Variants in PINX1 observed in about 807,000 individuals in gnomAD.
The protein encoded by PINX1 is PIN2 (TERF1) interacting telomerase inhibitor 1, also known as PIN2/TERF1-interacting telomerase inhibitor 1.
In PINX1, 34 loss-of-function variants were observed where a neutral mutation model predicts 25.4. The ratio of observed to expected loss-of-function variants is 1.34; its 90% confidence interval spans 1.02 to 1.78. The LOEUF is 1.78. Ranked by LOEUF, PINX1 falls within the 40% of genes most tolerant of loss-of-function variation. The probability of loss-of-function intolerance (pLI) is 0.00; values close to 1 mark genes in which losing one functional copy is unlikely to be tolerated. For synonymous variants in PINX1, 197 were observed against 147.7 expected (o/e 1.33, Z -2.42); for missense variants, 592 against 404.9 (o/e 1.46, Z -3.97).
intron 6 of PINX1, among the ~76,000 whole-genome samples, chr8:10,772,597 G>C (rs1801261281): frequency 6.6e-6 from 1 of 152,218 alleles, no homozygotes; most frequent in Admixed American, 6.5e-5. Context: ...AACGCACCAA[G>C]TCTCGGCAAT....
At chr8:10,784,475 C>T (rs6981179) in intron 6 of PINX1, among the ~76,000 whole-genome samples, 4,163 of 152,286 alleles carry the variant, frequency 0.027, 201 homozygotes, top group African/African-American at 0.095. Context: ...CCAAAGTCTA[C>T]TCAACAATTT....
chr8:10,818,062 A>G, intron 6 of PINX1, among the ~76,000 whole-genome samples: 1 of 152,256 alleles, frequency 6.6e-6, no homozygotes. Context: ...AGGCAATGCC[A>G]GGACGACCTT....
chr8:10,834,698 T>C lies in PINX1; in HGVS notation c.97A>G (p.Met33Val). ...TTAGACCACCCCATCTTCTCTAGCA[T>C]CCGCTGGCCAAACTTGGAATCGTCA... ...SNDDSKFGQR[M>V]LEKMGWSKGK... The change falls in exon 2 of 7, where the codon ATG (methionine) becomes GTG (valine). Residue 33 changes from methionine to valine, a missense_variant. Physicochemically the swap from Met to Val is conservative, Grantham distance 21. Transcript: ENST00000314787. 6.2e-7 allele frequency: 1 copy of C among 1,613,936 alleles called. No homozygotes were observed. Among genetic ancestry groups the C allele is most frequent in the South Asian group, 1.1e-5 (1 of 91,074 alleles).
Position 10,765,770 on chromosome 8 carries a change from C to G in PINX1, c.618G>C (p.Gln206His), listed in dbSNP as rs35530857. Reference sequence around the variant, plus strand: ...TTTTCTTCCCCCTTTTACGTTCCACCTGCGTCTCAGAAATGTCAGACCCTG... The same window carrying G: ...TTTTCTTCCCCCTTTTACGTTCCACGTGCGTCTCAGAAATGTCAGACCCTG... ...PVPGSDISET[Q>H]VERKRGKKRN... The change falls in exon 7 of 7, where the codon CAG (glutamine) becomes CAC (histidine). Residue 206 changes from glutamine to histidine, a missense_variant. Transcript: ENST00000314787. The G allele has an allele frequency of 1.2e-3, 1,915 of 1,613,970 alleles. 15 individuals carry two copies. In the African/African-American group the frequency reaches 0.023, roughly 19 times the overall value.
chr8:10,777,977 C>T (rs760326648), intron 6 of PINX1, among the ~76,000 whole-genome samples: 2 of 152,268 alleles, frequency 1.3e-5, no homozygotes, highest in Middle Eastern at 3.4e-3. Flanking sequence ...CGGGATAATC[C>T]GCCTCACAGT....
At chr8:10,817,125 G>A (rs1797722334) in intron 6 of PINX1, among the ~76,000 whole-genome samples, 1 of 152,150 alleles carries the variant, frequency 6.6e-6, no homozygotes, top group Admixed American at 6.5e-5. Flanking sequence ...TGGAACTCTG[G>A]ATGCTGAAGA....
intron 5 of PINX1, among the ~76,000 whole-genome samples, chr8:10,823,301 G>C (rs901679148): frequency 2.6e-4 from 40 of 151,848 alleles, no homozygotes; most frequent in African/African-American, 8.7e-4. Context: ...CTCTCAAAAG[G>C]ATTAAGAAGT....
At chr8:10,772,399 G>T (rs749032500) in intron 6 of PINX1, among the ~76,000 whole-genome samples, 1 of 152,338 alleles carries the variant, frequency 6.6e-6, no homozygotes, top group South Asian at 2.1e-4. Context: ...CCACTATGGC[G>T]GGCGGCCCTG....
chr8:10,794,621 T>C (rs1802029070), intron 6 of PINX1, among the ~76,000 whole-genome samples: 1 of 152,044 alleles, frequency 6.6e-6, no homozygotes, highest in Non-Finnish European at 1.5e-5. Context: ...GAGACGGGGT[T>C]TCACCATGTT....
intron 6 of PINX1, among the ~76,000 whole-genome samples, chr8:10,779,228 A>G (rs1801507415): frequency 6.6e-6 from 1 of 152,248 alleles, no homozygotes; most frequent in Non-Finnish European, 1.5e-5. Context: ...CACTGTGAAG[A>G]AAGATCCTGG....
intron 6 of PINX1, among the ~76,000 whole-genome samples, chr8:10,814,338 C>CA (rs1797628121): frequency 6.6e-6 from 1 of 152,194 alleles, no homozygotes; most frequent in Non-Finnish European, 1.5e-5. Flanking sequence ...TTCTGAATAG[C>CA]CGGATTCAGC....
intron 6 of PINX1, among the ~76,000 whole-genome samples, chr8:10,817,363 C>G (rs1005797484): frequency 1.3e-5 from 2 of 152,172 alleles, no homozygotes; most frequent in Non-Finnish European, 1.5e-5. Flanking sequence ...GTTGTATTTT[C>G]AAACAAATCT....
Position 10,785,927 on chromosome 8 carries a change from G to C in PINX1, c.472-20011C>G, listed in dbSNP as rs148453282. On this transcript the variant is annotated intron_variant, in intron 6 of 6. Coordinates refer to ENST00000314787, the MANE Select transcript of PINX1 (RefSeq NM_017884.6). Reference sequence around the variant, plus strand: ...TTGTTACCCTGAAAATCAAATTAAAGATGGAAGGATTAGCTACCTGAAAAG... The same window carrying C: ...TTGTTACCCTGAAAATCAAATTAAACATGGAAGGATTAGCTACCTGAAAAG... Among the ~76,000 whole-genome samples the C allele has an allele frequency of 2.7e-3, 417 of 152,284 alleles. 1 individual carries two copies. Among genetic ancestry groups the C allele is most frequent in the African/African-American group, 9.0e-3 (374 of 41,544 alleles).
chr8:10,813,882 G>C (rs945322966), intron 6 of PINX1, among the ~76,000 whole-genome samples: 9 of 150,390 alleles, frequency 6.0e-5, no homozygotes, highest in Non-Finnish European at 1.3e-4. Flanking sequence ...AGGAAACTGG[G>C]AAGGTGGGGG....
chr8:10,765,093 C>G lies in PINX1; in HGVS notation c.*308G>C. 1 of 335,016 alleles carries G rather than the reference C, an allele frequency of 3.0e-6. No individual in the cohort carries two copies. Among genetic ancestry groups the G allele is most frequent in the South Asian group, 5.9e-5 (1 of 16,952 alleles). The allele number at this position is 335,016 out of a possible 1,614,324, so 20.8% of individuals were successfully genotyped here. A position where few individuals can be genotyped will look rare whatever the true frequency, so the allele number is the denominator to read the frequency against. On this transcript the variant is annotated 3_prime_UTR_variant, in exon 7 of 7. Transcript: ENST00000314787. ...ACACAGATGCGCACATGCACACACA[C>G]GTGTGCACACTTACATGAATGCATG...
chr8:10,829,177 TC>T, intron 4 of PINX1, among the ~76,000 whole-genome samples: 1 of 150,436 alleles, frequency 6.6e-6, no homozygotes, highest in African/African-American at 2.5e-5. Context: ...TCCCAGCTAC[TC>T]AGGAGGCTGA....
At chr8:10,786,393 A>C (rs1199547324) in intron 6 of PINX1, among the ~76,000 whole-genome samples, 1 of 152,202 alleles carries the variant, frequency 6.6e-6, no homozygotes, top group Non-Finnish European at 1.5e-5. Flanking sequence ...GAATGGTGCC[A>C]GTAAAAGTGG....
At chr8:10,792,478 C>T (rs1801955358) in intron 6 of PINX1, among the ~76,000 whole-genome samples, 1 of 152,048 alleles carries the variant, frequency 6.6e-6, no homozygotes, top group Non-Finnish European at 1.5e-5. Context: ...CTGTGCGCTC[C>T]CTGAAGGGAC....
In PINX1 at chr8:10,765,583, T is replaced by C; in HGVS notation, c.805A>G (p.Ser269Gly). The C allele has an allele frequency of 1.2e-6, 2 of 1,613,716 alleles. No individual in the cohort carries two copies. The highest frequency in any genetic ancestry group is 3.3e-5 in the Admixed American group (2 of 60,016). ...EQLRGPCWDQ[S>G]SKASAQDAGD... is the part of the protein sequence containing the mutation. ...GCATCCTGAGCAGAGGCCTTGGAAC[T>C]CTGGTCCCAGCAGGGGCCTCTGAGC... Residue 269 changes from serine (S) to glycine (G), a missense_variant, in exon 7 of 7, where the codon AGT becomes GGT. By Grantham distance (56) the Ser-to-Gly change is moderately conservative (BLOSUM62 0). Transcript: ENST00000314787.
Sources: allele counts gnomAD v4.1 joint callset (sites outside exome capture counted in the v4.1 genomes callset), GRCh38; gene constraint gnomAD v4.1.1; transcripts MANE v1.5; gene names NCBI Gene and HGNC (gene_info 2026-07-23, HGNC 2026-07-21).